Variants in DTNB observed in about 807,000 individuals in gnomAD.
DTNB encodes the protein dystrobrevin beta.
In DTNB, 63 loss-of-function variants were observed where a neutral mutation model predicts 90.7. The observed-to-expected ratio is 0.69, with a 90% CI of 0.57 to 0.86. The LOEUF (loss-of-function observed/expected upper bound fraction) is 0.86, where lower values mean the gene tolerates loss of function less well. Ranked by LOEUF, DTNB falls within the 40% of genes least tolerant of loss-of-function variation. The pLI is 0.00. For missense variants in DTNB, 744 were observed against 807.1 expected, an observed-to-expected ratio of 0.92 and a Z score of 0.95; for synonymous variants, 277 against 286.7, an observed-to-expected ratio of 0.97 and a Z score of 0.34.
At chr2:25,458,897 G>A (rs2060490577) in intron 10 of DTNB, among the ~76,000 whole-genome samples, 1 of 151,898 alleles carries the variant, frequency 6.6e-6, no homozygotes, top group South Asian at 2.1e-4. Context: ...CGCCTGCCTC[G>A]GCCTCCCAAA....
intron 9 of DTNB, among the ~76,000 whole-genome samples, chr2:25,498,489 G>C (rs921555352): frequency 1.3e-5 from 2 of 152,090 alleles, no homozygotes; most frequent in African/African-American, 4.8e-5. Context: ...CAAACTCTAA[G>C]GATATAGATG....
At chr2:25,475,485 T>C (rs1375470585) in intron 10 of DTNB, among the ~76,000 whole-genome samples, 1 of 152,224 alleles carries the variant, frequency 6.6e-6, no homozygotes, top group Admixed American at 6.5e-5. Context: ...ACCATCTCCA[T>C]AACATGCAGG....
chr2:25,531,581 T>C lies in DTNB; in HGVS notation c.893A>G (p.Lys298Arg), dbSNP rs2078205831. ...AGATTTACTAATTGCATGGCTCAGCTTCTTTGCAGGAGATTTCTGTGTCAA... is the reference window on the plus strand; with the variant it reads ...AGATTTACTAATTGCATGGCTCAGCCTCTTTGCAGGAGATTTCTGTGTCAA... ...EHSSWKSPAK[K>R]LSHAISKSLG... The change falls in exon 9 of 21, where the codon AAG becomes AGG. Residue 298 changes from lysine (K) to arginine (R), a missense_variant. Coordinates refer to ENST00000406818, the MANE Select transcript of DTNB (RefSeq NM_021907.5). The C allele has an allele frequency of 1.2e-6, 2 of 1,613,836 alleles. No homozygotes were observed. Among genetic ancestry groups the C allele is most frequent in the Non-Finnish European group, 8.5e-7 (1 of 1,179,850 alleles).
At chr2:25,561,846 T>A (rs2058317584) in intron 8 of DTNB, among the ~76,000 whole-genome samples, 1 of 152,228 alleles carries the variant, frequency 6.6e-6, no homozygotes. Flanking sequence ...TTAAATTTGT[T>A]TTCTTTATAA....
At chr2:25,414,587 G>T (rs2047421961) in intron 16 of DTNB, among the ~76,000 whole-genome samples, 1 of 152,116 alleles carries the variant, frequency 6.6e-6, no homozygotes, top group South Asian at 2.1e-4. Context: ...TTTCTGAGTG[G>T]ATCTCCTGAA....
chr2:25,620,045 A>T (rs184894597), intron 4 of DTNB, among the ~76,000 whole-genome samples: 1 of 152,090 alleles, frequency 6.6e-6, no homozygotes, highest in Non-Finnish European at 1.5e-5. Context: ...GTCTCAAAAA[A>T]AATAATAAAA....
chr2:25,405,992 T>C (rs1029578176), intron 16 of DTNB, among the ~76,000 whole-genome samples: 2 of 152,000 alleles, frequency 1.3e-5, no homozygotes, highest in Non-Finnish European at 2.9e-5. Flanking sequence ...GAGCAACTTT[T>C]GGGAGAAAAA....
At chr2:25,495,344 G>T (rs1267308418) in intron 9 of DTNB, among the ~76,000 whole-genome samples, 1 of 152,196 alleles carries the variant, frequency 6.6e-6, no homozygotes, top group Non-Finnish European at 1.5e-5. Context: ...AGGATTACAG[G>T]CATGAGCCAT....
chr2:25,388,002 A>G (rs1187012149), intron 17 of DTNB, among the ~76,000 whole-genome samples, 200 bp downstream of exon 17: 2 of 152,250 alleles, frequency 1.3e-5, no homozygotes, highest in African/African-American at 4.8e-5. Flanking sequence ...TGGCACACAT[A>G]GGAAGCCTGC....
Position 25,377,261 on chromosome 2 carries a change from T to C in DTNB, c.*322A>G, listed in dbSNP as rs1482064276. ...CAAGAGCTTGGTGCTTTTTCTTTTC[T>C]CTTTTCAACCTCCAGGTGAATTCCT... On this transcript the variant is annotated 3_prime_UTR_variant, in exon 21 of 21. Coordinates refer to ENST00000406818, the MANE Select transcript of DTNB (RefSeq NM_021907.5). 2 of 152,944 alleles carry C rather than the reference T, an allele frequency of 1.3e-5. No homozygotes were observed. The highest frequency in any genetic ancestry group is 2.9e-5 in the Non-Finnish European group (2 of 68,144). The allele number at this position is 152,944 out of a possible 1,614,324, so 9.5% of individuals were successfully genotyped here.
chr2:25,523,671 A>G (rs1488428837), intron 9 of DTNB, among the ~76,000 whole-genome samples: 1 of 151,110 alleles, frequency 6.6e-6, no homozygotes, highest in Non-Finnish European at 1.5e-5. Context: ...ACTGCTACTC[A>G]TATGTTTGTA....
At chr2:25,389,407 C>T (rs2040458804) in intron 16 of DTNB, among the ~76,000 whole-genome samples, 1 of 152,210 alleles carries the variant, frequency 6.6e-6, no homozygotes, top group Non-Finnish European at 1.5e-5. Context: ...CTGTCCGGGG[C>T]CACCCCGCGG....
At chr2:25,599,410 T>C (rs1320075689) in intron 5 of DTNB, among the ~76,000 whole-genome samples, 3 of 151,764 alleles carry the variant, frequency 2.0e-5, no homozygotes, top group Non-Finnish European at 4.4e-5. Context: ...GGTGTGATCT[T>C]GGCTCACTGC....
At chr2:25,584,201 C>A (rs918403397) in intron 6 of DTNB, among the ~76,000 whole-genome samples, 1 of 152,204 alleles carries the variant, frequency 6.6e-6, no homozygotes, top group African/African-American at 2.4e-5. Context: ...CAATCTAATT[C>A]TCTGAAGAGT....
chr2:25,378,483 G>T, intron 20 of DTNB, among the ~76,000 whole-genome samples: 1 of 151,946 alleles, frequency 6.6e-6, no homozygotes, highest in East Asian at 1.9e-4. Context: ...CACGACTTGG[G>T]AGGGTCTGAA....
At chr2:25,528,537 CTGAGTA>C (rs1168456103) in intron 9 of DTNB, among the ~76,000 whole-genome samples, 2 of 152,146 alleles carry the variant, frequency 1.3e-5, no homozygotes, top group African/African-American at 4.8e-5. Context: ...TCAAAAGAAT[CTGAGTA>C]TAAGGTACCA....
intron 8 of DTNB, among the ~76,000 whole-genome samples, chr2:25,544,437 A>G (rs963213809): frequency 6.6e-6 from 1 of 152,226 alleles, no homozygotes; most frequent in Non-Finnish European, 1.5e-5. Context: ...TGGGAACATA[A>G]CAGCCTAATG....
intron 9 of DTNB, among the ~76,000 whole-genome samples, chr2:25,520,744 C>A (rs957617950): frequency 6.6e-6 from 1 of 152,030 alleles, no homozygotes; most frequent in Non-Finnish European, 1.5e-5. Flanking sequence ...AGGAAAAAAA[C>A]AACAAAGAGA....
At chr2:25,658,022 C>A (rs1033773703) in intron 1 of DTNB, among the ~76,000 whole-genome samples, 3 of 151,812 alleles carry the variant, frequency 2.0e-5, no homozygotes, top group African/African-American at 7.3e-5. Flanking sequence ...TTTGGGAGGC[C>A]GAGGTGGGTG....
Sources: gnomAD v4.1 joint callset for allele counts (sites outside exome capture counted in the v4.1 genomes callset) on GRCh38, gnomAD v4.1.1 for gene constraint, MANE v1.5 for transcripts, NCBI Gene and HGNC (gene_info 2026-07-23, HGNC 2026-07-21) for gene names.